Variants in KTN1 observed in about 807,000 individuals in gnomAD.
The protein encoded by KTN1 is kinectin 1, also known as kinectin.
A neutral mutation model predicts 222.5 loss-of-function variants in KTN1; 130 were observed. The observed-to-expected ratio is 0.58, with a 90% CI of 0.51 to 0.68. The LOEUF (loss-of-function observed/expected upper bound fraction) is 0.68, where lower values mean the gene tolerates loss of function less well. Among genes scored for constraint, KTN1 ranks in the 30% least tolerant of loss-of-function variants. KTN1 has a pLI of 0.00. For synonymous variants in KTN1, 512 were observed against 496.3 expected, an observed-to-expected ratio of 1.03 and a Z score of -0.42; for missense variants, 1,508 against 1,500.4, an observed-to-expected ratio of 1.01 and a Z score of -0.08.
Position 55,671,659 on chromosome 14 carries a change from G to A in KTN1, c.3438+4G>A. ...CAAATCCGTCCTTGCAGAAACAGTA[G>A]GAAATGATTTTTAATCTACATTTTG... On this transcript the variant is annotated splice_donor_region_variant and intron_variant, in intron 36 of 43. Transcript: ENST00000395314. 6.2e-7 allele frequency: 1 copy of A among 1,603,046 alleles called. No homozygotes were observed. The highest frequency in any genetic ancestry group is 8.5e-7 in the Non-Finnish European group (1 of 1,172,046).
At chr14:55,673,885 T>C (rs2045665542) in intron 40 of KTN1, 1 of 152,168 alleles carries the variant, frequency 6.6e-6, no homozygotes, top group Non-Finnish European at 1.5e-5. Context: ...CTAAAAACTG[T>C]ACTGATTGTG....
At chr14:55,657,262 T>C (rs904792410) in intron 29 of KTN1, among the ~76,000 whole-genome samples, 1 of 152,230 alleles carries the variant, frequency 6.6e-6, no homozygotes, top group Non-Finnish European at 1.5e-5. Flanking sequence ...ATTTTTGATA[T>C]TATACTTGAA....
intron 31 of KTN1, among the ~76,000 whole-genome samples, chr14:55,660,013 C>A (rs1374708350): frequency 6.6e-6 from 1 of 152,116 alleles, no homozygotes; most frequent in African/African-American, 2.4e-5. Context: ...TGTCAGTTAT[C>A]TTACTGGGTC....
chr14:55,600,269 A>G (rs896972474), intron 1 of KTN1, among the ~76,000 whole-genome samples: 8 of 151,980 alleles, frequency 5.3e-5, no homozygotes, highest in Admixed American at 5.2e-4. Flanking sequence ...TTCAACTTTA[A>G]TACCCTAGCT....
chr14:55,671,806 C>A lies in KTN1; in HGVS notation c.3460C>A (p.Gln1154Lys). Reference sequence around the variant, plus strand: ...GTAGGAAGGAATTTTACAGAAGCTACAGAGAAGTGTTGAGCAAGAAGAAAA... The same window carrying A: ...GTAGGAAGGAATTTTACAGAAGCTAAAGAGAAGTGTTGAGCAAGAAGAAAA... The part of the protein sequence containing the change: ...AETEGILQKL[Q>K]RSVEQEENKW... The change falls in exon 37 of 44, where the codon CAG becomes AAG. Residue 1154 changes from glutamine (Q) to lysine (K), a missense_variant. Physicochemically the swap from Gln to Lys is moderately conservative, Grantham distance 53. Transcript: ENST00000395314. 1 of 1,610,512 alleles carries A rather than the reference C, an allele frequency of 6.2e-7. No homozygotes were observed. Among genetic ancestry groups the A allele is most frequent in the Non-Finnish European group, 8.5e-7 (1 of 1,176,930 alleles).
intron 11 of KTN1, 71 bp downstream of exon 11, chr14:55,637,435 A>G: frequency 1.9e-6 from 2 of 1,059,650 alleles, no homozygotes; most frequent in Non-Finnish European, 1.3e-6. Flanking sequence ...TGTCTAGAAG[A>G]GAGACTAAAG....
Position 55,612,076 on chromosome 14 carries a change from ATTG to A in KTN1, c.31_33del (p.Val11del), listed in dbSNP as rs1192402158. ...GGAGTTTTATGAGTCAGCATATTTT[ATTG>A]TTCTTATTCCTTCAATAGTTATTAC... On this transcript the variant is annotated inframe_deletion, in exon 2 of 44. Transcript: ENST00000395314. 4.0e-6 allele frequency: 6 copies of A among 1,499,258 alleles called. No individual in the cohort carries two copies. The highest frequency in any genetic ancestry group is 5.3e-6 in the Non-Finnish European group (6 of 1,129,542). 92.9% of individuals were successfully genotyped at this position (1,499,258 alleles called of 1,614,324 possible).
chr14:55,583,044 T>C (rs747727339), intron 1 of KTN1, among the ~76,000 whole-genome samples: 1 of 152,200 alleles, frequency 6.6e-6, no homozygotes, highest in Non-Finnish European at 1.5e-5. Context: ...TATTTTCAAA[T>C]CACTGGGAAA....
At chr14:55,641,917 A>G (rs907854043) in intron 18 of KTN1, among the ~76,000 whole-genome samples, 157 bp downstream of exon 18, 1 of 152,148 alleles carries the variant, frequency 6.6e-6, no homozygotes, top group Non-Finnish European at 1.5e-5. Context: ...AATTCAGGAA[A>G]TTTTTTCTCC....
At chr14:55,612,675 A>T (rs951037431) in intron 2 of KTN1, 104 bp downstream of exon 2, 17 of 912,988 alleles carry the variant, frequency 1.9e-5, no homozygotes, top group Non-Finnish European at 2.5e-5. Flanking sequence ...ATTGAATTTG[A>T]AACCATGATT....
At chr14:55,659,738 C>A (rs7160678) in intron 31 of KTN1, 35 bp downstream of exon 31, 1,193,896 of 1,196,056 alleles carry the variant, frequency 1, 595,896 homozygotes, top group East Asian at 1. Context: ...TTTATAAAGT[C>A]GTAACTATTT....
At chr14:55,679,754 A>G (rs1200311819) in intron 43 of KTN1, 69 bp downstream of exon 43, 4 of 1,452,390 alleles carry the variant, frequency 2.8e-6, no homozygotes, top group Non-Finnish European at 3.8e-6. Flanking sequence ...GTGTATTTAC[A>G]TAAATAAACT....
intron 7 of KTN1, among the ~76,000 whole-genome samples, 154 bp downstream of exon 7, chr14:55,630,251 T>C (rs1053986149): frequency 1.3e-5 from 2 of 152,144 alleles, no homozygotes; most frequent in African/African-American, 4.8e-5. Context: ...ACAACTTTTC[T>C]AGGTGGGGAT....
Position 55,612,414 on chromosome 14 carries a change from G to A in KTN1, c.366G>A (p.Lys122=). ...GAAAAAAGAAGGAAAAGAAACAAAA[G>A]CCTGTGCTTGAAGAGCAGGTCATCA... is the stretch of plus-strand genomic sequence containing the variant. ...RERKKKEKKQ[K]PVLEEQVIKE... is the part of the protein sequence containing the mutation. The change falls in exon 2 of 44, where the codon AAG becomes AAA. Residue 122 remains lysine (K), a synonymous_variant. Coordinates refer to ENST00000395314, the MANE Select transcript of KTN1 (RefSeq NM_001079521.2). The A allele has an allele frequency of 1.2e-6, 2 of 1,614,036 alleles. No homozygotes were observed. Among genetic ancestry groups the A allele is most frequent in the Non-Finnish European group, 1.7e-6 (2 of 1,179,974 alleles).
intron 1 of KTN1, among the ~76,000 whole-genome samples, chr14:55,581,280 A>T (rs574275178): frequency 4.6e-4 from 70 of 152,372 alleles, no homozygotes; most frequent in African/African-American, 1.6e-3. Context: ...CCCCAGTTGC[A>T]CCTTGACTAG....
rs1173076879 is a variant in KTN1 at position 55,671,668 on chromosome 14, T to C, written c.3438+13T>C. 2 of 1,595,120 alleles carry C rather than the reference T, an allele frequency of 1.3e-6. No homozygotes were observed. Among genetic ancestry groups the C allele is most frequent in the Admixed American group, 3.4e-5 (2 of 59,274 alleles). ...CCTTGCAGAAACAGTAGGAAATGATTTTTAATCTACATTTTGATTTTACTT... is the reference window on the plus strand; with the variant it reads ...CCTTGCAGAAACAGTAGGAAATGATCTTTAATCTACATTTTGATTTTACTT... On this transcript the variant is annotated intron_variant, in intron 36 of 43. Coordinates refer to ENST00000395314, the MANE Select transcript of KTN1 (RefSeq NM_001079521.2).
At position 55,630,035 on chromosome 14, in the gene KTN1, C is replaced by A; in HGVS notation, c.1159C>A (p.His387Asn). The A allele has an allele frequency of 6.3e-7, 1 of 1,599,576 alleles. No homozygotes were observed. Among genetic ancestry groups the A allele is most frequent in the Non-Finnish European group, 8.6e-7 (1 of 1,166,794 alleles). Reference protein sequence around the residue: ...KDRIGTLEKEHNVFQNKIHVS... With the variant: ...KDRIGTLEKENNVFQNKIHVS... ...TCGAATTGGAACATTAGAAAAGGAA[C>A]ATAATGTATTTCAAAACAAAATACA... The change falls in exon 7 of 44, where the codon CAT (histidine) becomes AAT (asparagine). Residue 387 changes from histidine to asparagine, a missense_variant. His to Asn is a moderately conservative substitution (Grantham distance 68). Transcript: ENST00000395314.
intron 1 of KTN1, among the ~76,000 whole-genome samples, chr14:55,584,609 T>C (rs75155357): frequency 0.02 from 2,978 of 152,312 alleles, 55 homozygotes; most frequent in African/African-American, 0.051. Context: ...TGCACTCCCC[T>C]ACGTCTGATT....
intron 4 of KTN1, among the ~76,000 whole-genome samples, chr14:55,618,429 T>G (rs1200959311): frequency 6.6e-6 from 1 of 152,182 alleles, no homozygotes; most frequent in Non-Finnish European, 1.5e-5. Flanking sequence ...TTTTTTTTAA[T>G]AGACTGTTTT....
Sources: allele counts gnomAD v4.1 joint callset (sites outside exome capture counted in the v4.1 genomes callset), GRCh38; gene constraint gnomAD v4.1.1; transcripts MANE v1.5; gene names NCBI Gene and HGNC (gene_info 2026-07-23, HGNC 2026-07-21).